ZNF423: variants seen among roughly 807,000 people sequenced by gnomAD.
ZNF423 encodes Ebf-associated zinc finger protein.
A neutral mutation model predicts 95.8 loss-of-function variants in ZNF423; 12 were observed. That is an observed-to-expected ratio of 0.13 (90% CI 0.08 to 0.20). ZNF423 has a LOEUF of 0.20. ZNF423 is among the 10% of genes least tolerant of loss of function. The pLI, the probability that ZNF423 is intolerant of heterozygous loss-of-function variation, is 1.00. For missense variants in ZNF423, 1,316 were observed against 1,737.1 expected (o/e 0.76, Z 4.31); for synonymous variants, 749 against 711.9 (o/e 1.05, Z -0.83).
At chr16:49,849,197 C>A (rs533272102) in intron 1 of ZNF423, among the ~76,000 whole-genome samples, 1 of 152,246 alleles carries the variant, frequency 6.6e-6, no homozygotes, top group Non-Finnish European at 1.5e-5. Flanking sequence ...GGACAGATGA[C>A]ATGATTTTCT....
intron 5 of ZNF423, among the ~76,000 whole-genome samples, chr16:49,573,013 G>A (rs1163561781): frequency 2.0e-5 from 3 of 152,236 alleles, no homozygotes; most frequent in Admixed American, 1.3e-4. Context: ...TGGCTAACTA[G>A]TGGACAGGTA....
intron 5 of ZNF423, among the ~76,000 whole-genome samples, chr16:49,533,977 G>A (rs1289338589): frequency 6.6e-6 from 1 of 152,100 alleles, no homozygotes; most frequent in East Asian, 1.9e-4. Flanking sequence ...GGACAACACA[G>A]TGAGACCCCA....
chr16:49,830,460 T>C (rs1436753927), intron 1 of ZNF423, among the ~76,000 whole-genome samples: 1 of 152,164 alleles, frequency 6.6e-6, no homozygotes, highest in African/African-American at 2.4e-5. Context: ...CAAATTTTGC[T>C]TGAACATCCC....
intron 7 of ZNF423, among the ~76,000 whole-genome samples, chr16:49,502,827 G>A (rs57358918): frequency 6.2e-5 from 5 of 80,846 alleles, no homozygotes; most frequent in South Asian, 4.6e-4. Flanking sequence ...ACCTGCCCCC[G>A]TCATGTGCCC....
intron 2 of ZNF423, among the ~76,000 whole-genome samples, chr16:49,743,979 C>T (rs766607516): frequency 7.9e-5 from 12 of 152,042 alleles, no homozygotes; most frequent in African/African-American, 1.7e-4. Flanking sequence ...TCCAAGGAGC[C>T]GCTCCCAGTA....
chr16:49,562,631 T>C (rs1270625679), intron 5 of ZNF423, among the ~76,000 whole-genome samples: 1 of 152,250 alleles, frequency 6.6e-6, no homozygotes, highest in Non-Finnish European at 1.5e-5. Flanking sequence ...CAAGGAAAGC[T>C]GGGCATTTGT....
chr16:49,654,951 AT>A (rs889505429), intron 3 of ZNF423, among the ~76,000 whole-genome samples: 1 of 31,180 alleles, frequency 3.2e-5, no homozygotes, highest in African/African-American at 8.7e-5. Context: ...CTTACAGTAA[AT>A]GATACTGGTT....
intron 5 of ZNF423, among the ~76,000 whole-genome samples, chr16:49,616,147 A>G (rs1007606030): frequency 6.6e-6 from 1 of 152,184 alleles, no homozygotes; most frequent in African/African-American, 2.4e-5. Context: ...ACTGCCTGGC[A>G]CACAGTAGGT....
At chr16:49,785,764 G>T (rs188245229) in intron 2 of ZNF423, among the ~76,000 whole-genome samples, 35 of 152,344 alleles carry the variant, frequency 2.3e-4, no homozygotes, top group Middle Eastern at 3.4e-3. Context: ...CCACTAGCCT[G>T]CCTTGGGTGG....
At chr16:49,735,653 A>G (rs554235307) in intron 2 of ZNF423, among the ~76,000 whole-genome samples, 1 of 152,288 alleles carries the variant, frequency 6.6e-6, no homozygotes, top group African/African-American at 2.4e-5. Flanking sequence ...TTCCCCCTGC[A>G]TCTCCTGGGA....
chr16:49,691,077 C>T (rs560666657), intron 3 of ZNF423, among the ~76,000 whole-genome samples: 10 of 152,332 alleles, frequency 6.6e-5, no homozygotes, highest in East Asian at 3.9e-4. Flanking sequence ...GGGGGCTGAG[C>T]GGCCCTTAGT....
intron 5 of ZNF423, among the ~76,000 whole-genome samples, chr16:49,597,861 G>T (rs1971234727): frequency 1.3e-5 from 2 of 152,100 alleles, no homozygotes; most frequent in South Asian, 4.2e-4. Context: ...TATGAAGAGG[G>T]CAGGACCACA....
At chr16:49,664,119 G>A in intron 3 of ZNF423, 1 of 985,562 alleles carries the variant, frequency 1.0e-6, no homozygotes, top group Non-Finnish European at 1.2e-6. Flanking sequence ...GGGCGTCCCA[G>A]GGCAAACTGG....
intron 7 of ZNF423, among the ~76,000 whole-genome samples, chr16:49,496,238 G>A (rs1330380010): frequency 6.6e-6 from 1 of 152,224 alleles, no homozygotes; most frequent in Non-Finnish European, 1.5e-5. Flanking sequence ...GGTTTTGGGG[G>A]TGGTTAATAA....
In ZNF423 at chr16:49,695,169, G is replaced by A. The variant is rs967237184; in HGVS notation, c.301+35602C>T. Among the ~76,000 whole-genome samples, 10 of 152,292 alleles carry A rather than the reference G, an allele frequency of 6.6e-5. No individual in the cohort carries two copies. The East Asian group carries it at 7.7e-4, about 12-fold the overall frequency. On this transcript the variant is annotated intron_variant, in intron 3 of 7. Transcript: ENST00000563137. ...CTCACTCTTGCCCAAGCTGGAGTGCGGTGGCGCGATCTGGGCTCACTGAAG... is the reference window on the plus strand; with the variant it reads ...CTCACTCTTGCCCAAGCTGGAGTGCAGTGGCGCGATCTGGGCTCACTGAAG...
At chr16:49,599,511 C>T (rs968849546) in intron 5 of ZNF423, among the ~76,000 whole-genome samples, 1 of 152,138 alleles carries the variant, frequency 6.6e-6, no homozygotes, top group East Asian at 1.9e-4. Context: ...GTGGCAGAGC[C>T]GGATCCCAAG....
intron 3 of ZNF423, among the ~76,000 whole-genome samples, chr16:49,663,393 G>T (rs746631174): frequency 6.6e-6 from 1 of 151,880 alleles, no homozygotes; most frequent in Non-Finnish European, 1.5e-5. Context: ...AGGCCCCCCA[G>T]CCCACCCCCC....
At chr16:49,674,429 A>C (rs1000651418) in intron 3 of ZNF423, among the ~76,000 whole-genome samples, 4 of 152,162 alleles carry the variant, frequency 2.6e-5, no homozygotes, top group Non-Finnish European at 5.9e-5. Context: ...CGATGTGTAC[A>C]CGGTGCGTCA....
In ZNF423 at chr16:49,601,240, C is replaced by T. The variant is rs546520630; in HGVS notation, c.3601+24930G>A. 3.9e-5 allele frequency among the ~76,000 whole-genome samples: 6 copies of T among 152,316 alleles called. No individual in the cohort carries two copies. In the South Asian group the frequency reaches 6.2e-4, roughly 16 times the overall value. On this transcript the variant is annotated intron_variant, in intron 5 of 7. Transcript: ENST00000563137. ...GCACACGGGTTCCACAGCCATACCA[C>T]GCGGGTTCCCATCCTGGCTCTGACA...
Sources: gnomAD v4.1 joint callset for allele counts (sites outside exome capture counted in the v4.1 genomes callset) on GRCh38, gnomAD v4.1.1 for gene constraint, MANE v1.5 for transcripts, NCBI Gene and HGNC (gene_info 2026-07-23, HGNC 2026-07-21) for gene names.